DIS3L2: variants seen among roughly 807,000 people sequenced by gnomAD.
DIS3L2 encodes DIS3-like exonuclease 2.
Under a neutral mutation model 97.5 loss-of-function variants are expected in DIS3L2, and 34 were observed. The ratio of observed to expected loss-of-function variants is 0.35; its 90% CI spans 0.27 to 0.46. DIS3L2 has a LOEUF of 0.46. Ranked by LOEUF, DIS3L2 falls within the 20% of genes least tolerant of loss-of-function variation. The pLI is 1.00. For missense variants in DIS3L2, 1,038 were observed against 1,146.0 expected, an observed-to-expected ratio of 0.91 and a Z score of 1.36; for synonymous variants, 435 against 445.2, an observed-to-expected ratio of 0.98 and a Z score of 0.29.
intron 3 of DIS3L2, among the ~76,000 whole-genome samples, chr2:232,023,287 T>C (rs976321076): frequency 2.0e-5 from 3 of 152,226 alleles, no homozygotes; most frequent in Non-Finnish European, 4.4e-5. Context: ...AGTAGTCTAT[T>C]TGAGTGTTCA....
At chr2:232,275,348 T>C (rs1367546653) in intron 13 of DIS3L2, among the ~76,000 whole-genome samples, 1 of 152,250 alleles carries the variant, frequency 6.6e-6, no homozygotes, top group Non-Finnish European at 1.5e-5. Context: ...CCTTCAGATT[T>C]GTAAATCTAG....
chr2:232,232,122 G>T (rs925315649), intron 10 of DIS3L2, among the ~76,000 whole-genome samples: 6 of 152,182 alleles, frequency 3.9e-5, no homozygotes, highest in Non-Finnish European at 7.3e-5. Context: ...GTCAAAACAT[G>T]CACAGAGCAG....
intron 13 of DIS3L2, among the ~76,000 whole-genome samples, chr2:232,277,507 T>C (rs1314806617): frequency 2.0e-5 from 3 of 152,202 alleles, no homozygotes; most frequent in Non-Finnish European, 4.4e-5. Flanking sequence ...TGTGCTACTT[T>C]TCTCTTTCTT....
intron 7 of DIS3L2, among the ~76,000 whole-genome samples, chr2:232,133,043 A>T (rs1230294608): frequency 6.6e-6 from 1 of 152,206 alleles, no homozygotes. Context: ...AGATCTGGTC[A>T]TAATGGGTGT....
At chr2:232,186,076 C>G (rs1231578036) in intron 9 of DIS3L2, among the ~76,000 whole-genome samples, 1 of 152,132 alleles carries the variant, frequency 6.6e-6, no homozygotes, top group African/African-American at 2.4e-5. Context: ...AGCAGTCCAC[C>G]TGCCTCAGCC....
At chr2:232,201,121 C>T (rs1242636144) in intron 9 of DIS3L2, among the ~76,000 whole-genome samples, 2 of 152,226 alleles carry the variant, frequency 1.3e-5, no homozygotes, top group Non-Finnish European at 2.9e-5. Flanking sequence ...CTCTAAGTCT[C>T]ATTCTGTAGG....
In DIS3L2 at chr2:232,009,734, T is replaced by A. The variant is rs572471025; in HGVS notation, c.-93-5101T>A. Among the ~76,000 whole-genome samples the A allele has an allele frequency of 3.3e-5, 5 of 152,296 alleles. No individual in the cohort carries two copies. In the South Asian group the frequency reaches 1.0e-3, roughly 32 times the overall value. ...ACATTTCTTTCCTTCATGTTTGCAG[T>A]CTTGTGCATGTGGACAGTCTTCCAG... is the stretch of plus-strand genomic sequence containing the variant. On this transcript the variant is annotated intron_variant, in intron 1 of 20. Transcript: ENST00000325385.
chr2:232,336,042 C>G, intron 20 of DIS3L2, 168 bp downstream of exon 20: 8 of 1,527,308 alleles, frequency 5.2e-6, no homozygotes, highest in Non-Finnish European at 7.0e-6. Flanking sequence ...TCCTGTGGGT[C>G]CTGCTTTCTG....
chr2:232,077,201 C>T (rs146654327), intron 5 of DIS3L2, among the ~76,000 whole-genome samples: 1 of 151,994 alleles, frequency 6.6e-6, no homozygotes, highest in African/African-American at 2.4e-5. Context: ...GGTTGCTGTT[C>T]TCTGTCTTCC....
At chr2:231,982,156 T>A (rs1693282357) in intron 1 of DIS3L2, among the ~76,000 whole-genome samples, 1 of 152,194 alleles carries the variant, frequency 6.6e-6, no homozygotes, top group African/African-American at 2.4e-5. Flanking sequence ...GATAGACTCT[T>A]ATAGGATATA....
rs764846483 is a variant in DIS3L2, at chr2:232,330,705, A to G, written c.1939A>G (p.Thr647Ala). The change falls in exon 16 of 21, where the codon ACA (threonine) becomes GCA (alanine). Residue 647 changes from threonine (T) to alanine (A), a missense_variant. Coordinates refer to ENST00000325385, the MANE Select transcript of DIS3L2 (RefSeq NM_152383.5). ...AGALNKSLTQ[T>A]FGDDKYSLAR... Reference sequence around the variant, plus strand: ...TTGCTTCTAGAAAAGCCTGACCCAAACATTTGGAGATGACAAGTACTCACT... The same window carrying G: ...TTGCTTCTAGAAAAGCCTGACCCAAGCATTTGGAGATGACAAGTACTCACT... 6.2e-7 allele frequency: 1 copy of G among 1,613,984 alleles called. No homozygotes were observed. The highest frequency in any genetic ancestry group is 1.1e-5 in the South Asian group (1 of 91,086).
chr2:232,000,633 C>CTTTCCTTTCCTTTCT (rs746539259), intron 1 of DIS3L2, among the ~76,000 whole-genome samples: 1 of 118,830 alleles, frequency 8.4e-6, no homozygotes, highest in Non-Finnish European at 1.9e-5. Context: ...CTTTCCTTTC[C>CTTTCCTTTCCTTTCT]TTTCCTTTCC....
chr2:232,330,919 C>T, intron 16 of DIS3L2, 143 bp downstream of exon 16: 1 of 870,534 alleles, frequency 1.1e-6, no homozygotes, highest in East Asian at 2.5e-5. Context: ...TCCTCCTCTG[C>T]CAGAGGGTGG....
At chr2:232,201,976 G>A (rs1193765619) in intron 9 of DIS3L2, among the ~76,000 whole-genome samples, 3 of 152,146 alleles carry the variant, frequency 2.0e-5, no homozygotes, top group African/African-American at 7.2e-5. Context: ...TGAAAATTAA[G>A]GGGAAGAAAA....
chr2:232,270,929 CTCTCTCTCTCTG>C lies in DIS3L2; in HGVS notation c.1659+7498_1659+7509del, dbSNP rs1456011751. Reference sequence around the variant, plus strand: ...CTCTCTCTCTCTGTCTCGTCTCTCTCTCTCTCTCTCTGTCTCTCTCAGGTGTCTAGGTCTCTG... The same window carrying C: ...CTCTCTCTCTCTGTCTCGTCTCTCTCTCTCTCTCAGGTGTCTAGGTCTCTG... On this transcript the variant is annotated intron_variant, in intron 13 of 20. Transcript: ENST00000325385. 2.0e-5 allele frequency among the ~76,000 whole-genome samples: 3 copies of C among 150,246 alleles called. No homozygotes were observed. In the East Asian group the frequency reaches 6.0e-4, roughly 30 times the overall value.
At chr2:232,252,058 C>G (rs1286491348) in intron 12 of DIS3L2, among the ~76,000 whole-genome samples, 2 of 152,178 alleles carry the variant, frequency 1.3e-5, no homozygotes, top group Non-Finnish European at 2.9e-5. Flanking sequence ...TGTAAAGGGC[C>G]AGATAGTCAG....
intron 1 of DIS3L2, among the ~76,000 whole-genome samples, chr2:231,997,506 AATTG>A (rs1188466710): frequency 2.6e-5 from 4 of 152,194 alleles, no homozygotes; most frequent in Non-Finnish European, 5.9e-5. Flanking sequence ...CATAGCCTTT[AATTG>A]ATTATTTGAA....
At chr2:232,068,378 C>T (rs1447348630) in intron 5 of DIS3L2, among the ~76,000 whole-genome samples, 3 of 148,178 alleles carry the variant, frequency 2.0e-5, no homozygotes, top group Non-Finnish European at 4.4e-5. Flanking sequence ...CCAAGACCAG[C>T]CTAGGCAGCA....
intron 9 of DIS3L2, among the ~76,000 whole-genome samples, chr2:232,186,583 G>GATC (rs1407741388): frequency 2.6e-5 from 4 of 152,166 alleles, no homozygotes; most frequent in Non-Finnish European, 5.9e-5. Context: ...ACCAGACAGA[G>GATC]ATCATATCAC....
Sources: gnomAD v4.1 joint callset for allele counts (sites outside exome capture counted in the v4.1 genomes callset) on GRCh38, gnomAD v4.1.1 for gene constraint, MANE v1.5 for transcripts, NCBI Gene and HGNC (gene_info 2026-07-23, HGNC 2026-07-21) for gene names.